The following RBFOX3 variants were observed in gnomAD, a reference collection of about 807,000 sequenced individuals.
The protein encoded by RBFOX3 is RNA binding fox-1 homolog 3.
In RBFOX3, 17 loss-of-function variants were observed where a neutral mutation model predicts 48.7. That is an observed-to-expected ratio of 0.35 (90% CI 0.24 to 0.52). The LOEUF (loss-of-function observed/expected upper bound fraction) is 0.52, where lower values mean the gene tolerates loss of function less well. Ranked by LOEUF, RBFOX3 falls within the 20% of genes least tolerant of loss-of-function variation. RBFOX3 has a pLI of 0.94. For missense variants in RBFOX3, 382 were observed against 497.5 expected (o/e 0.77, Z 2.21); for synonymous variants, 212 against 209.5 (o/e 1.01, Z -0.10).
At chr17:79,498,512 T>A (rs2081909091) in intron 1 of RBFOX3, among the ~76,000 whole-genome samples, 1 of 149,356 alleles carries the variant, frequency 6.7e-6, no homozygotes, top group African/African-American at 2.5e-5. Context: ...CATCCACTCA[T>A]CCATCCACTC....
chr17:79,564,935 G>C (rs1599169776), intron 1 of RBFOX3, among the ~76,000 whole-genome samples: 1 of 151,926 alleles, frequency 6.6e-6, no homozygotes, highest in Admixed American at 6.6e-5. Context: ...CAGCTATTCA[G>C]GGAGCTGAGG....
Position 79,319,359 on chromosome 17 carries a change from C to T in RBFOX3, c.-174-11535G>A, listed in dbSNP as rs112905621. Among the ~76,000 whole-genome samples, 1,096 of 152,296 alleles carry T rather than the reference C, an allele frequency of 7.2e-3. 16 individuals are homozygous for T. Among genetic ancestry groups the T allele is most frequent in the African/African-American group, 0.024 (1,008 of 41,576 alleles). On this transcript the variant is annotated intron_variant, in intron 2 of 14. Transcript: ENST00000693108. Reference sequence around the variant, plus strand: ...ATGCAGAGAAAGGAAAGAGGCAGAACGGGGGCTCCTGCAAGTGCGGAGATG... The same window carrying T: ...ATGCAGAGAAAGGAAAGAGGCAGAATGGGGGCTCCTGCAAGTGCGGAGATG...
At chr17:79,124,841 G>T (rs1446997932) in intron 4 of RBFOX3, among the ~76,000 whole-genome samples, 3 of 152,084 alleles carry the variant, frequency 2.0e-5, no homozygotes, top group Admixed American at 6.5e-5. Context: ...TGGGTCTGGT[G>T]TATTTGGTCC....
intron 2 of RBFOX3, among the ~76,000 whole-genome samples, chr17:79,344,253 C>A (rs776533510): frequency 2.1e-4 from 32 of 152,030 alleles, no homozygotes; most frequent in Non-Finnish European, 4.4e-4. Flanking sequence ...ATATATCTTC[C>A]AAAAAAATTC....
At chr17:79,266,803 C>A (rs1312662348) in intron 3 of RBFOX3, among the ~76,000 whole-genome samples, 2 of 152,074 alleles carry the variant, frequency 1.3e-5, no homozygotes, top group Non-Finnish European at 2.9e-5. Flanking sequence ...AGCTCTGGGC[C>A]CCTAAGTGTG....
At chr17:79,337,172 G>A (rs898979474) in intron 2 of RBFOX3, among the ~76,000 whole-genome samples, 6 of 152,016 alleles carry the variant, frequency 3.9e-5, no homozygotes, top group East Asian at 1.9e-4. Context: ...CTCACACCAC[G>A]GGAAAGGACC....
At chr17:79,456,846 C>A (rs1424945463) in intron 2 of RBFOX3, among the ~76,000 whole-genome samples, 2 of 152,160 alleles carry the variant, frequency 1.3e-5, no homozygotes, top group Non-Finnish European at 1.5e-5. Flanking sequence ...TGGACCAGCC[C>A]TCTACTCTCT....
intron 2 of RBFOX3, among the ~76,000 whole-genome samples, chr17:79,373,264 C>T (rs1455353057): frequency 3.9e-5 from 6 of 152,176 alleles, no homozygotes; most frequent in Non-Finnish European, 8.8e-5. Flanking sequence ...CACATACATA[C>T]TCAACTCCAG....
At position 79,361,317 on chromosome 17, in the gene RBFOX3, T is replaced by G. The variant is rs964891825; in HGVS notation, c.-174-53493A>C. Among the ~76,000 whole-genome samples, 1 of 152,198 alleles carries G rather than the reference T, an allele frequency of 6.6e-6. No homozygotes were observed. Among genetic ancestry groups the G allele is most frequent in the Non-Finnish European group, 1.5e-5 (1 of 68,028 alleles). ...TGATCCATTTGCCATCGGGGCTATC[T>G]GAGACGCTCATCGAGGTGCTTACCC... is the stretch of plus-strand genomic sequence containing the variant. On this transcript the variant is annotated intron_variant, in intron 2 of 14. Transcript: ENST00000693108. This position sits in a 1 kb window ranked among gnomAD's most constrained non-coding sequence, Gnocchi z 4.5.
chr17:79,127,925 C>T (rs923195898), intron 4 of RBFOX3, among the ~76,000 whole-genome samples: 3 of 152,196 alleles, frequency 2.0e-5, no homozygotes, highest in African/African-American at 4.8e-5. Flanking sequence ...ACGCTGCCCC[C>T]GTCACGCTGC....
chr17:79,484,729 A>G (rs2079307993), intron 1 of RBFOX3, among the ~76,000 whole-genome samples: 1 of 152,072 alleles, frequency 6.6e-6, no homozygotes. Flanking sequence ...TAAGTGCTTG[A>G]TTCTCAGCAG....
chr17:79,648,558 A>G, the RBFOX3 span, among the ~76,000 whole-genome samples: 2 of 152,184 alleles, frequency 1.3e-5, no homozygotes, highest in African/African-American at 4.8e-5. Context: ...GTACTCCACG[A>G]TGTTAGCTGT....
At chr17:79,521,065 G>C (rs1352836667) in intron 1 of RBFOX3, among the ~76,000 whole-genome samples, 1 of 152,218 alleles carries the variant, frequency 6.6e-6, no homozygotes, top group African/African-American at 2.4e-5. Context: ...GGAGGGGCCG[G>C]AAGACACGCA....
chr17:79,207,548 C>T (rs2147009530), intron 4 of RBFOX3, among the ~76,000 whole-genome samples: 1 of 152,242 alleles, frequency 6.6e-6, no homozygotes, highest in East Asian at 1.9e-4. Flanking sequence ...CAGGCTCGGG[C>T]TGGGTCCCTG....
chr17:79,431,471 C>G (rs543933192), intron 2 of RBFOX3, among the ~76,000 whole-genome samples: 1 of 148,594 alleles, frequency 6.7e-6, no homozygotes, highest in East Asian at 2.0e-4. Context: ...CCCCCACCCC[C>G]CACCATGCCT....
At chr17:79,519,040 G>A (rs2085670400) in intron 1 of RBFOX3, among the ~76,000 whole-genome samples, 1 of 152,234 alleles carries the variant, frequency 6.6e-6, no homozygotes, top group African/African-American at 2.4e-5. Flanking sequence ...ACCAAGAGAA[G>A]CCCGGGGCTG....
At chr17:79,611,108 C>T (rs1165403403), upstream of RBFOX3, among the ~76,000 whole-genome samples, 1 of 85,600 alleles carries the variant, frequency 1.2e-5, no homozygotes, top group Non-Finnish European at 3.0e-5. Context: ...TCTCTCTCTC[C>T]TCCCTCCTCT....
intron 2 of RBFOX3, among the ~76,000 whole-genome samples, chr17:79,416,837 G>A (rs1187958179): frequency 6.6e-5 from 10 of 152,254 alleles, no homozygotes; most frequent in Non-Finnish European, 1.5e-4. Flanking sequence ...ATGAAAGTCT[G>A]CAGGGCAAAC....
rs2055455588 is a variant in RBFOX3, at chr17:79,195,744, T to C, written c.-34+40022A>G. On this transcript the variant is annotated intron_variant, in intron 4 of 14. Transcript: ENST00000693108. The surrounding 1 kb of genome is among the most constrained non-coding windows in gnomAD (Gnocchi z 5.3). ...ACAGCACCAGGAAACCAGCACTCTGTTTTGGGGTTTGGGGATGAGCTCACA... is the reference window on the plus strand; with the variant it reads ...ACAGCACCAGGAAACCAGCACTCTGCTTTGGGGTTTGGGGATGAGCTCACA... Among the ~76,000 whole-genome samples the C allele has an allele frequency of 6.6e-6, 1 of 152,146 alleles. No homozygotes were observed. The highest frequency in any genetic ancestry group is 1.9e-4 in the East Asian group (1 of 5,184).
Sources: allele counts gnomAD v4.1 joint callset (sites outside exome capture counted in the v4.1 genomes callset), GRCh38; gene constraint gnomAD v4.1.1; non-coding constraint Gnocchi (gnomAD v3.1); transcripts MANE v1.5; gene names NCBI Gene and HGNC (gene_info 2026-07-23, HGNC 2026-07-21).